The following GALNTL5 variants were observed in gnomAD, a reference collection of about 807,000 sequenced individuals.
The protein encoded by GALNTL5 is polypeptide N-acetylgalactosaminyltransferase like 5.
In GALNTL5, 44 loss-of-function variants were observed where a neutral mutation model predicts 51.0. That is an observed-to-expected ratio of 0.86 (90% CI 0.68 to 1.11). The LOEUF is 1.11. Among genes scored for constraint, GALNTL5 ranks in the 50% least tolerant of loss-of-function variants. The pLI is 0.00. For missense variants in GALNTL5, 528 were observed against 531.8 expected (o/e 0.99, Z 0.07); for synonymous variants, 192 against 182.8 (o/e 1.05, Z -0.41).
chr7:151,980,670 G>A (rs943438154), intron 3 of GALNTL5, among the ~76,000 whole-genome samples: 1 of 151,354 alleles, frequency 6.6e-6, no homozygotes, highest in African/African-American at 2.4e-5. Flanking sequence ...ATGCCCATAG[G>A]ATTGCCTGCC....
chr7:151,973,448 G>C (rs749215702), intron 3 of GALNTL5, among the ~76,000 whole-genome samples: 2 of 150,224 alleles, frequency 1.3e-5, no homozygotes, highest in African/African-American at 2.5e-5. Context: ...CTGGGTGACA[G>C]AGCAAGCTCC....
chr7:151,989,228 C>A (rs1382999401), intron 5 of GALNTL5, among the ~76,000 whole-genome samples: 1 of 151,796 alleles, frequency 6.6e-6, no homozygotes, highest in African/African-American at 2.4e-5. Context: ...CAGCTCACTG[C>A]AACCTCCATC....
chr7:151,974,694 CA>C (rs903958897), intron 3 of GALNTL5, among the ~76,000 whole-genome samples: 2 of 140,722 alleles, frequency 1.4e-5, no homozygotes, highest in African/African-American at 5.1e-5. Context: ...ATATTTACTA[CA>C]AAGGTCACCA....
chr7:151,968,298 CA>C (rs889466012), intron 2 of GALNTL5, among the ~76,000 whole-genome samples: 8 of 148,414 alleles, frequency 5.4e-5, no homozygotes, highest in African/African-American at 1.2e-4. Flanking sequence ...GATGCTGCCT[CA>C]AAAAAAAATA....
intron 3 of GALNTL5, 130 bp from the exon 4 acceptor site, chr7:151,982,855 TA>T (rs1586824521): frequency 6.4e-7 from 1 of 1,569,756 alleles, no homozygotes; most frequent in East Asian, 2.3e-5. Flanking sequence ...ACTGTCACCT[TA>T]TTACCATAAT....
intron 3 of GALNTL5, 98 bp from the exon 4 acceptor site, chr7:151,982,888 G>A (rs781685026): frequency 6.2e-7 from 1 of 1,603,946 alleles, no homozygotes; most frequent in Admixed American, 1.7e-5. Flanking sequence ...GGAGTAAAGA[G>A]TCAAAAAGAT....
chr7:151,998,698 GGAGGTGAATGTTGCAGT>G (rs2081530869), intron 5 of GALNTL5, among the ~76,000 whole-genome samples: 1 of 150,976 alleles, frequency 6.6e-6, no homozygotes, highest in East Asian at 2.0e-4. Context: ...CTTGAAGCCA[GGAGGTGAATGTTGCAGT>G]GAGCTGAGAT....
chr7:152,018,829 C>T (rs909217281), intron 8 of GALNTL5, among the ~76,000 whole-genome samples: 2 of 152,302 alleles, frequency 1.3e-5, no homozygotes, highest in Admixed American at 6.5e-5. Context: ...TCCAATATGG[C>T]ATGCCCATAA....
At chr7:151,958,504 A>G (rs2151934806) in intron 1 of GALNTL5, among the ~76,000 whole-genome samples, 1 of 152,292 alleles carries the variant, frequency 6.6e-6, no homozygotes, top group South Asian at 2.1e-4. Context: ...CACCTGCAGC[A>G]TAGTGAAACG....
chr7:151,961,060 C>T (rs530968198), intron 1 of GALNTL5, among the ~76,000 whole-genome samples: 2 of 152,262 alleles, frequency 1.3e-5, no homozygotes, highest in East Asian at 1.9e-4. Flanking sequence ...AGCATGGGGG[C>T]GTGTGCCTAT....
intron 3 of GALNTL5, among the ~76,000 whole-genome samples, chr7:151,981,681 CTTTT>C (rs760011757): frequency 4.6e-5 from 3 of 65,456 alleles, no homozygotes; most frequent in African/African-American, 1.8e-4. Context: ...TTCTTTCTTT[CTTTT>C]TTTTTTTTTT....
intron 3 of GALNTL5, among the ~76,000 whole-genome samples, chr7:151,979,015 T>C (rs1002095805): frequency 9.2e-5 from 14 of 152,088 alleles, no homozygotes; most frequent in African/African-American, 3.1e-4. Context: ...TGAACTATTA[T>C]TAATGTATAA....
At chr7:152,009,209 G>A (rs1244300386) in intron 7 of GALNTL5, among the ~76,000 whole-genome samples, 2 of 152,146 alleles carry the variant, frequency 1.3e-5, no homozygotes, top group African/African-American at 2.4e-5. Context: ...CCTGAGAAAA[G>A]AATGATCTCT....
At chr7:151,962,796 A>G (rs1021741236) in intron 1 of GALNTL5, among the ~76,000 whole-genome samples, 2 of 151,902 alleles carry the variant, frequency 1.3e-5, no homozygotes, top group African/African-American at 4.8e-5. Flanking sequence ...TTTAGTAGAG[A>G]CAAGCTTTCA....
chr7:151,995,395 G>C (rs1052100889), intron 5 of GALNTL5: 1 of 102,124 alleles, frequency 9.8e-6, no homozygotes, highest in Admixed American at 1.3e-4. Flanking sequence ...TTTTTTGCAT[G>C]GGAGCGGAAG....
chr7:151,976,869 T>C (rs2081213216), intron 3 of GALNTL5, among the ~76,000 whole-genome samples: 1 of 152,114 alleles, frequency 6.6e-6, no homozygotes, highest in Non-Finnish European at 1.5e-5. Flanking sequence ...GGTTTCACCA[T>C]GTTGGTCAGG....
intron 1 of GALNTL5, among the ~76,000 whole-genome samples, chr7:151,961,384 G>A (rs191312952): frequency 1.3e-3 from 199 of 152,034 alleles, no homozygotes; most frequent in African/African-American, 4.5e-3. Flanking sequence ...GTGGGCACCC[G>A]TAGTCCCAAC....
chr7:151,991,446 A>T (rs2151951406), intron 5 of GALNTL5, among the ~76,000 whole-genome samples: 1 of 152,316 alleles, frequency 6.6e-6, no homozygotes. Flanking sequence ...TTTACATTAA[A>T]CTTTGAGTCT....
At chr7:151,991,481 C>T (rs2081428310) in intron 5 of GALNTL5, among the ~76,000 whole-genome samples, 1 of 152,240 alleles carries the variant, frequency 6.6e-6, no homozygotes, top group Non-Finnish European at 1.5e-5. Flanking sequence ...GTTCTGCAAA[C>T]GGTGTAAATT....
Sources: allele counts gnomAD v4.1 joint callset (sites outside exome capture counted in the v4.1 genomes callset), GRCh38; gene constraint gnomAD v4.1.1; transcripts MANE v1.5; gene names NCBI Gene and HGNC (gene_info 2026-07-23, HGNC 2026-07-21).